Variants in AP5B1 observed in about 807,000 individuals in gnomAD.
The protein encoded by AP5B1 is adaptor related protein complex 5 subunit beta 1.
In AP5B1, 3 loss-of-function variants were observed where a neutral mutation model predicts 5.7. The observed-to-expected ratio is 0.53, with a 90% confidence interval of 0.24 to 1.36. The LOEUF (loss-of-function observed/expected upper bound fraction) is 1.36. AP5B1 is among the 40% of genes most tolerant of loss of function. AP5B1 has a pLI of 0.17. For missense variants in AP5B1, 1,310 were observed against 1,143.2 expected (o/e 1.15, Z -2.10); for synonymous variants, 696 against 555.5 (o/e 1.25, Z -3.56).
chr11:65,779,397 G>A lies in AP5B1; in HGVS notation c.1096C>T (p.Leu366Phe), dbSNP rs1857813560. The A allele has an allele frequency of 1.2e-6, 2 of 1,604,378 alleles. No individual in the cohort carries two copies. The highest frequency in any genetic ancestry group is 1.3e-5 in the African/African-American group (1 of 74,840). ...QHPALPPPTH[L>F]FYLHCVLSFP... ...CTCAGGACGCAGTGAAGGTAAAAGA[G>A]ATGGGTGGGCGGAGGCAGAGCAGGG... The change falls in exon 2 of 2, where the codon CTC (leucine) becomes TTC (phenylalanine). Residue 366 changes from leucine (L) to phenylalanine (F), a missense_variant. By Grantham distance (22) the Leu-to-Phe change is conservative. Transcript: ENST00000532090.
Position 65,778,369 on chromosome 11 carries a change from C to T in AP5B1, c.2124G>A (p.Glu708=), listed in dbSNP as rs373884696. ...RVEGQLYAPL[E]AVHVPCLCPG... is the part of the protein sequence containing the mutation. ...GACACAGGCAGGGCACATGGACAGCCTCCAGGGGTGCATACAGCTGTCCTT... is the reference window on the plus strand; with the variant it reads ...GACACAGGCAGGGCACATGGACAGCTTCCAGGGGTGCATACAGCTGTCCTT... Residue 708 remains glutamate, a synonymous_variant, in exon 2 of 2, where the codon GAG becomes GAA. Transcript: ENST00000532090. 183 of 1,607,864 alleles carry T rather than the reference C, an allele frequency of 1.1e-4. No homozygotes were observed. Among genetic ancestry groups the T allele is most frequent in the Non-Finnish European group, 1.5e-4 (176 of 1,178,042 alleles).
rs749522545 is a variant in AP5B1, at chr11:65,778,675, A to G, written c.1818T>C (p.Pro606=). The change falls in exon 2 of 2, where the codon CCT becomes CCC. Residue 606 remains proline, a synonymous_variant. Transcript: ENST00000532090. The part of the protein sequence containing the change: ...LQVLARQLED[P]DGRDHARLYY... Reference sequence around the variant, plus strand: ...AGAGGCGGGCGTGGTCACGCCCATCAGGGTCCTCCAGCTGCCTGGCCAGCA... The same window carrying G: ...AGAGGCGGGCGTGGTCACGCCCATCGGGGTCCTCCAGCTGCCTGGCCAGCA... 1 of 1,567,776 alleles carries G rather than the reference A, an allele frequency of 6.4e-7. No individual in the cohort carries two copies. Among genetic ancestry groups the G allele is most frequent in the Admixed American group, 1.9e-5 (1 of 53,818 alleles).
At position 65,779,705 on chromosome 11, in the gene AP5B1, T is replaced by C; in HGVS notation, c.788A>G (p.Glu263Gly). The C allele has an allele frequency of 6.2e-7, 1 of 1,611,546 alleles. No individual in the cohort carries two copies. The change falls in exon 2 of 2, where the codon GAG (glutamate) becomes GGG (glycine). Residue 263 changes from glutamate (E) to glycine (G), a missense_variant. Transcript: ENST00000532090. ...CACCGCAGCCCGCAGCTCCCGCGCCTCCTCAGGGCTGTGCTCTCGTGCTGT... is the reference window on the plus strand; with the variant it reads ...CACCGCAGCCCGCAGCTCCCGCGCCCCCTCAGGGCTGTGCTCTCGTGCTGT... ...SLTAREHSPE[E>G]ARELRAAVIQ...
rs1329174352 is a variant in AP5B1 at position 65,780,554 on chromosome 11, A to C, written c.38T>G (p.Leu13Trp). The C allele has an allele frequency of 2.6e-5, 39 of 1,504,874 alleles. No individual in the cohort carries two copies. The Admixed American group carries it at 7.8e-4, about 30-fold the overall frequency. 93.2% of individuals were successfully genotyped at this position (1,504,874 alleles called of 1,614,324 possible). A position where few individuals can be genotyped will look rare whatever the true frequency, so the allele number is the denominator to read the frequency against. ...AGACGGGCTGGCCCGGAAGGCCCCC[A>C]AGCGCTGGGCCCAGGCGTCCCGGCT... ...PLSRDAWAQR[L>W]GAFRASPSAF... is the part of the protein sequence containing the mutation. Residue 13 changes from leucine (L) to tryptophan (W), a missense_variant, in exon 1 of 2, where the codon TTG becomes TGG. Transcript: ENST00000532090.
intron 1 of AP5B1, 36 bp from the exon 2 acceptor site, chr11:65,780,378 G>A (rs770843043): frequency 2.1e-6 from 3 of 1,462,366 alleles, no homozygotes; most frequent in South Asian, 2.7e-5. Context: ...ACGAAGATGA[G>A]GTTCATGACG....
In AP5B1 at chr11:65,777,076, T is replaced by G. The variant is rs2135686740; in HGVS notation, c.*780A>C. On this transcript the variant is annotated 3_prime_UTR_variant, in exon 2 of 2. Coordinates refer to ENST00000532090, the MANE Select transcript of AP5B1 (RefSeq NM_138368.5). ...CTGCAATGATCCCTAATCACACCACTGCACTCCAGAGCGCCAGAGTGAGAT... is the reference window on the plus strand; with the variant it reads ...CTGCAATGATCCCTAATCACACCACGGCACTCCAGAGCGCCAGAGTGAGAT... 6.6e-6 allele frequency: 1 copy of G among 152,234 alleles called. No individual in the cohort carries two copies. The highest frequency in any genetic ancestry group is 6.5e-5 in the Admixed American group (1 of 15,286). 9.4% of individuals were successfully genotyped at this position (152,234 alleles called of 1,614,324 possible).
rs77787987 is a variant in AP5B1 at position 65,777,235 on chromosome 11, A to C, written c.*621T>G. 6.6e-6 allele frequency: 1 copy of C among 152,414 alleles called. No individual in the cohort carries two copies. The highest frequency in any genetic ancestry group is 2.1e-4 in the South Asian group (1 of 4,836). 9.4% of individuals were successfully genotyped at this position (152,414 alleles called of 1,614,324 possible). ...CAAGGCCAGACCCTCTCTGGGAAGCAGAAAGGAGATTTTTCCCCTGCCTCC... is the reference window on the plus strand; with the variant it reads ...CAAGGCCAGACCCTCTCTGGGAAGCCGAAAGGAGATTTTTCCCCTGCCTCC... On this transcript the variant is annotated 3_prime_UTR_variant, in exon 2 of 2. Coordinates refer to ENST00000532090, the MANE Select transcript of AP5B1 (RefSeq NM_138368.5).
Position 65,779,989 on chromosome 11 carries a change from G to A in AP5B1, c.504C>T (p.Ser168=), listed in dbSNP as rs778012149. ...CCAGCAGGCCCCGCAGCAACCCCAG[G>A]GAGCCCCCCAGCAGCCCGGGCTTGC... ...ESCKPGLLGG[S]LGLLRGLLGQ... Residue 168 remains serine (S), a synonymous_variant, in exon 2 of 2, where the codon TCC becomes TCT. Transcript: ENST00000532090. The A allele has an allele frequency of 2.5e-6, 4 of 1,572,122 alleles. No individual in the cohort carries two copies. Among genetic ancestry groups the A allele is most frequent in the Non-Finnish European group, 8.6e-7 (1 of 1,159,366 alleles).
Position 65,780,213 on chromosome 11 carries a change from G to T in AP5B1, c.280C>A (p.Arg94=). 1 of 1,505,524 alleles carries T rather than the reference G, an allele frequency of 6.6e-7. No homozygotes were observed. The highest frequency in any genetic ancestry group is 8.8e-7 in the Non-Finnish European group (1 of 1,130,210). The allele number at this position is 1,505,524 out of a possible 1,614,324, so 93.3% of individuals were successfully genotyped here. Residue 94 remains arginine (R), a synonymous_variant, in exon 2 of 2, where the codon CGG becomes AGG. Transcript: ENST00000532090. Reference sequence around the variant, plus strand: ...GTGGTGGCCGCCAGCAGCAGTGGCCGACGGAGAGCTGAGGGCCGCGGGGGT... The same window carrying T: ...GTGGTGGCCGCCAGCAGCAGTGGCCTACGGAGAGCTGAGGGCCGCGGGGGT... ...LLPPRPSALR[R]PLLLAATTAL... is the part of the protein sequence containing the mutation.
rs200735525 is a variant in AP5B1 at position 65,779,764 on chromosome 11, C to G, written c.729G>C (p.Pro243=). The change falls in exon 2 of 2, where the codon CCG becomes CCC. Residue 243 remains proline (P), a synonymous_variant. Transcript: ENST00000532090. ...GRLQPQAPSW[P]AAEEGEGERS... ...GCTCCCCCTCTCCCTCCTCAGCTGC[C>G]GGCCAGCTGGGTGCCTGGGGCTGAA... 3,150 of 1,586,962 alleles carry G rather than the reference C, an allele frequency of 2.0e-3. 9 individuals carry two copies. Among genetic ancestry groups the G allele is most frequent in the Non-Finnish European group, 2.5e-3 (2,958 of 1,166,320 alleles).
chr11:65,779,247 G>A lies in AP5B1; in HGVS notation c.1246C>T (p.Leu416=), dbSNP rs1380190810. Residue 416 remains leucine, a synonymous_variant, in exon 2 of 2, where the codon CTG becomes TTG. Coordinates refer to ENST00000532090, the MANE Select transcript of AP5B1 (RefSeq NM_138368.5). ...LHDPMALLAR[L]HLLCLLCAEE... ...GCACAGAGCAGGCACAGTAAATGCAGGCGGGCCAGGAGGGCCATTGGGTCA... is the reference window on the plus strand; with the variant it reads ...GCACAGAGCAGGCACAGTAAATGCAAGCGGGCCAGGAGGGCCATTGGGTCA... 6.3e-7 allele frequency: 1 copy of A among 1,594,094 alleles called. No individual in the cohort carries two copies. Among genetic ancestry groups the A allele is most frequent in the Non-Finnish European group, 8.6e-7 (1 of 1,169,178 alleles).
At position 65,774,321 on chromosome 11, in the gene AP5B1, G is replaced by A. The variant is rs193060665; in HGVS notation, c.*3535C>T. Among the ~76,000 whole-genome samples, 72 of 152,314 alleles carry A rather than the reference G, an allele frequency of 4.7e-4. No homozygotes were observed. The highest frequency in any genetic ancestry group is 1.7e-3 in the African/African-American group (70 of 41,554). On this transcript the variant is annotated 3_prime_UTR_variant, in exon 2 of 2. Coordinates refer to ENST00000532090, the MANE Select transcript of AP5B1 (RefSeq NM_138368.5). Reference sequence around the variant, plus strand: ...CTATTTAGCACCTCCATCTCAACATGTACTTCCCCAACGGTCATGGCAGAG... The same window carrying A: ...CTATTTAGCACCTCCATCTCAACATATACTTCCCCAACGGTCATGGCAGAG...
chr11:65,780,581 A>C lies in AP5B1; in HGVS notation c.11T>G (p.Leu4Arg). 6.8e-7 allele frequency: 1 copy of C among 1,470,418 alleles called. No individual in the cohort carries two copies. Among genetic ancestry groups the C allele is most frequent in the Non-Finnish European group, 9.0e-7 (1 of 1,114,702 alleles). 91.1% of individuals were successfully genotyped at this position (1,470,418 alleles called of 1,614,324 possible). ...GCGCTGGGCCCAGGCGTCCCGGCTC[A>C]GGGGCCCCATGGTGAGGCGCGCGGG... is the stretch of plus-strand genomic sequence containing the variant. The part of the protein sequence containing the change: MGP[L>R]SRDAWAQRLG... The change falls in exon 1 of 2, where the codon CTG (leucine) becomes CGG (arginine). Residue 4 changes from leucine (L) to arginine (R), a missense_variant. Coordinates refer to ENST00000532090, the MANE Select transcript of AP5B1 (RefSeq NM_138368.5).
Position 65,780,966 on chromosome 11 carries a change from C to T in AP5B1, c.-375G>A, listed in dbSNP as rs1281618795. Among the ~76,000 whole-genome samples, 1 of 149,112 alleles carries T rather than the reference C, an allele frequency of 6.7e-6. No homozygotes were observed. Among genetic ancestry groups the T allele is most frequent in the East Asian group, 1.9e-4 (1 of 5,138 alleles). Reference sequence around the variant, plus strand: ...CCGCGGGCACTCAGGCCGGCCGGCTCCTTCCGGGCTGGCGGCGCGGGGCGG... The same window carrying T: ...CCGCGGGCACTCAGGCCGGCCGGCTTCTTCCGGGCTGGCGGCGCGGGGCGG... On this transcript the variant is annotated 5_prime_UTR_variant, in exon 1 of 2. Transcript: ENST00000532090.
In AP5B1 at chr11:65,780,716, G is replaced by GT; in HGVS notation, c.-126_-125insA. The GT allele has an allele frequency of 9.4e-7, 1 of 1,063,580 alleles. No individual in the cohort carries two copies. Among genetic ancestry groups the GT allele is most frequent in the Non-Finnish European group, 1.2e-6 (1 of 829,436 alleles). The allele number at this position is 1,063,580 out of a possible 1,614,324, so 65.9% of individuals were successfully genotyped here. A position where few individuals can be genotyped will look rare whatever the true frequency, so the allele number is the denominator to read the frequency against. Reference sequence around the variant, plus strand: ...CCCAGACGCCGCGCAGATGCCGGCGGGACCCGCGCCCGGCTCCCACGGTGA... The same window carrying GT: ...CCCAGACGCCGCGCAGATGCCGGCGGTGACCCGCGCCCGGCTCCCACGGTGA... On this transcript the variant is annotated 5_prime_UTR_variant, in exon 1 of 2. Coordinates refer to ENST00000532090, the MANE Select transcript of AP5B1 (RefSeq NM_138368.5).
Position 65,777,845 on chromosome 11 carries a change from TC to T in AP5B1, c.*10del. ...GGGCCACAGTCCTGCCCCCACCTGGTCTCCCGGGGCTCAGACAGCAGCCGCC... is the reference window on the plus strand; with the variant it reads ...GGGCCACAGTCCTGCCCCCACCTGGTTCCCGGGGCTCAGACAGCAGCCGCC... On this transcript the variant is annotated 3_prime_UTR_variant, in exon 2 of 2. Transcript: ENST00000532090. 6.6e-7 allele frequency: 1 copy of T among 1,506,574 alleles called. No individual in the cohort carries two copies. Among genetic ancestry groups the T allele is most frequent in the Non-Finnish European group, 8.9e-7 (1 of 1,124,646 alleles). The allele number at this position is 1,506,574 out of a possible 1,614,324, so 93.3% of individuals were successfully genotyped here.
In AP5B1 at chr11:65,779,980, C is replaced by A; in HGVS notation, c.513G>T (p.Leu171Phe). The A allele has an allele frequency of 6.3e-7, 1 of 1,576,348 alleles. No individual in the cohort carries two copies. The highest frequency in any genetic ancestry group is 8.6e-7 in the Non-Finnish European group (1 of 1,161,744). The change falls in exon 2 of 2, where the codon TTG becomes TTT. Residue 171 changes from leucine to phenylalanine, a missense_variant. By Grantham distance (22) the Leu-to-Phe change is conservative. Transcript: ENST00000532090. ...CTTCCTGCCCCAGCAGGCCCCGCAG[C>A]AACCCCAGGGAGCCCCCCAGCAGCC... is the stretch of plus-strand genomic sequence containing the variant. ...KPGLLGGSLG[L>F]LRGLLGQEGP...
At position 65,778,500 on chromosome 11, in the gene AP5B1, G is replaced by A. The variant is rs867398419; in HGVS notation, c.1993C>T (p.Arg665Trp). 7 of 1,573,132 alleles carry A rather than the reference G, an allele frequency of 4.4e-6. No individual in the cohort carries two copies. Among genetic ancestry groups the A allele is most frequent in the African/African-American group, 4.0e-5 (3 of 74,114 alleles). Reference protein sequence around the residue: ...LMVQEAPALVRLSLGSHRVKG... With the variant: ...LMVQEAPALVWLSLGSHRVKG... ...ACCCGATGGGACCCCAGGCTCAGCC[G>A]TACCAGGGCCGGTGCCTCCTGCACC... Residue 665 changes from arginine (R) to tryptophan (W), a missense_variant, in exon 2 of 2, where the codon CGG becomes TGG. By Grantham distance (101) the Arg-to-Trp change is moderately radical (BLOSUM62 -3). Coordinates refer to ENST00000532090, the MANE Select transcript of AP5B1 (RefSeq NM_138368.5).
chr11:65,780,429 C>T lies in AP5B1; in HGVS notation c.150+13G>A. On this transcript the variant is annotated intron_variant, in intron 1 of 1. Coordinates refer to ENST00000532090, the MANE Select transcript of AP5B1 (RefSeq NM_138368.5). Reference sequence around the variant, plus strand: ...ACCCTGCGGAACGGCGCAGGGGACGCGTGGGGGCCTACCTTGGTCTGTTCG... The same window carrying T: ...ACCCTGCGGAACGGCGCAGGGGACGTGTGGGGGCCTACCTTGGTCTGTTCG... 6.7e-7 allele frequency: 1 copy of T among 1,490,710 alleles called. No homozygotes were observed. Among genetic ancestry groups the T allele is most frequent in the Non-Finnish European group, 8.9e-7 (1 of 1,124,544 alleles). 92.3% of individuals were successfully genotyped at this position (1,490,710 alleles called of 1,614,324 possible). A position where few individuals can be genotyped will look rare whatever the true frequency, so the allele number is the denominator to read the frequency against.
Sources: allele counts gnomAD v4.1 joint callset (sites outside exome capture counted in the v4.1 genomes callset), GRCh38; gene constraint gnomAD v4.1.1; transcripts MANE v1.5; gene names NCBI Gene and HGNC (gene_info 2026-07-23, HGNC 2026-07-21).